LHPP: variants seen among roughly 807,000 people sequenced by gnomAD.
LHPP encodes the protein hLHPP.
Under a neutral mutation model 30.3 loss-of-function variants are expected in LHPP, and 24 were observed. The ratio of observed to expected loss-of-function variants is 0.79; its 90% confidence interval spans 0.57 to 1.11. The LOEUF is 1.11. LHPP is among the 50% of genes most tolerant of loss of function. The probability of loss-of-function intolerance (pLI) is 0.00; values close to 1 mark genes in which losing one functional copy is unlikely to be tolerated. For synonymous variants in LHPP, 150 were observed against 157.1 expected (o/e 0.95, Z 0.34); for missense variants, 356 against 367.2 (o/e 0.97, Z 0.25).
intron 5 of LHPP, among the ~76,000 whole-genome samples, chr10:124,502,040 A>C (rs7084985): frequency 0.041 from 6,250 of 152,030 alleles, 353 homozygotes; most frequent in East Asian, 0.11. Flanking sequence ...AACCACTTTA[A>C]AATTGTTTTC....
At position 124,586,579 on chromosome 10, in the gene LHPP, C is replaced by T. The variant is rs75834898; in HGVS notation, c.717-26685C>T. 2.0e-5 allele frequency among the ~76,000 whole-genome samples: 3 copies of T among 152,280 alleles called. No homozygotes were observed. In the East Asian group the frequency reaches 5.8e-4, roughly 29 times the overall value. On this transcript the variant is annotated intron_variant, in intron 6 of 6. Transcript: ENST00000368842. ...GCTTGGAATTTGTTTCATGAAGGGACAGCCAGCAGTGTCTGTGCAGGTCCA... is the reference window on the plus strand; with the variant it reads ...GCTTGGAATTTGTTTCATGAAGGGATAGCCAGCAGTGTCTGTGCAGGTCCA...
intron 6 of LHPP, among the ~76,000 whole-genome samples, chr10:124,532,615 G>T (rs750988602): frequency 6.6e-6 from 1 of 152,218 alleles, no homozygotes; most frequent in African/African-American, 2.4e-5. Flanking sequence ...GACACTCTGC[G>T]TTTGTTAAAC....
intron 6 of LHPP, among the ~76,000 whole-genome samples, chr10:124,521,302 G>T (rs1954607274): frequency 6.6e-6 from 1 of 152,346 alleles, no homozygotes; most frequent in Non-Finnish European, 1.5e-5. Flanking sequence ...AATACCCCCA[G>T]CCAGGCTCTA....
intron 2 of LHPP, among the ~76,000 whole-genome samples, chr10:124,485,524 G>A (rs890191745): frequency 2.0e-5 from 3 of 152,144 alleles, no homozygotes; most frequent in African/African-American, 7.2e-5. Flanking sequence ...TCAGTCATTG[G>A]TGGATTTTCT....
At chr10:124,606,283 G>GT (rs1554898591) in intron 6 of LHPP, among the ~76,000 whole-genome samples, 1 of 151,848 alleles carries the variant, frequency 6.6e-6, no homozygotes, top group African/African-American at 2.4e-5. Flanking sequence ...TTCTCGGGGG[G>GT]ACAGCAGCAA....
At chr10:124,577,423 G>A (rs1319355225) in intron 6 of LHPP, among the ~76,000 whole-genome samples, 2 of 152,146 alleles carry the variant, frequency 1.3e-5, no homozygotes, top group African/African-American at 4.8e-5. Flanking sequence ...TGGATCCAAA[G>A]AAAAAACTTA....
At position 124,545,462 on chromosome 10, in the gene LHPP, G is replaced by C. The variant is rs1281105172; in HGVS notation, c.716+28191G>C. Among the ~76,000 whole-genome samples the C allele has an allele frequency of 6.6e-5, 10 of 152,268 alleles. No individual in the cohort carries two copies. In the East Asian group the frequency reaches 1.9e-3, roughly 29 times the overall value. On this transcript the variant is annotated intron_variant, in intron 6 of 6. Transcript: ENST00000368842. ...GTGCCCACGGCAGCCCATGCACCCA[G>C]GCAGGAAGCTGCTTTGTGCAGGAGG...
intron 6 of LHPP, among the ~76,000 whole-genome samples, chr10:124,581,731 A>G (rs1028642662): frequency 6.6e-6 from 1 of 151,962 alleles, no homozygotes; most frequent in Non-Finnish European, 1.5e-5. Flanking sequence ...GTCTATTCAA[A>G]TTTTTTGCAC....
At chr10:124,549,566 T>A (rs1955428478) in intron 6 of LHPP, among the ~76,000 whole-genome samples, 1 of 152,278 alleles carries the variant, frequency 6.6e-6, no homozygotes, top group Non-Finnish European at 1.5e-5. Context: ...TTCACTTTAG[T>A]CTTGTTAGCA....
chr10:124,522,403 G>A (rs1189663228), intron 6 of LHPP, among the ~76,000 whole-genome samples: 1 of 152,136 alleles, frequency 6.6e-6, no homozygotes, highest in Non-Finnish European at 1.5e-5. Context: ...TCTCCTCCGT[G>A]GGGGGTCCTG....
intron 6 of LHPP, among the ~76,000 whole-genome samples, chr10:124,608,813 C>T (rs1399460240): frequency 6.6e-6 from 1 of 152,194 alleles, no homozygotes; most frequent in Non-Finnish European, 1.5e-5. Flanking sequence ...CTGAGTAAGC[C>T]GGAGAGCATC....
At position 124,592,832 on chromosome 10, in the gene LHPP, G is replaced by A. The variant is rs963635038; in HGVS notation, c.717-20432G>A. ...GAAAACAAGATTCCGTCTAGGAATC[G>A]TCCAGGGCGCGGCAGCCCGCCAGGA... On this transcript the variant is annotated intron_variant, in intron 6 of 6. Coordinates refer to ENST00000368842, the MANE Select transcript of LHPP (RefSeq NM_022126.4). This position sits in a 1 kb window ranked among gnomAD's most constrained non-coding sequence, Gnocchi z 6.2. Among the ~76,000 whole-genome samples the A allele has an allele frequency of 6.6e-5, 10 of 152,258 alleles. 1 individual carries two copies. Among genetic ancestry groups the A allele is most frequent in the Admixed American group, 3.3e-4 (5 of 15,290 alleles).
chr10:124,602,165 A>T (rs1315638659), intron 6 of LHPP, among the ~76,000 whole-genome samples: 1 of 152,176 alleles, frequency 6.6e-6, no homozygotes, highest in South Asian at 2.1e-4. Context: ...ACGTGAGCCC[A>T]GATTTCGATT....
chr10:124,473,693 C>G (rs1278778282), intron 1 of LHPP, among the ~76,000 whole-genome samples: 1 of 152,184 alleles, frequency 6.6e-6, no homozygotes, highest in Admixed American at 6.5e-5. Flanking sequence ...CGACTCATGC[C>G]TGTAATCCCA....
At chr10:124,477,555 T>C (rs1952989097) in intron 1 of LHPP, among the ~76,000 whole-genome samples, 2 of 152,094 alleles carry the variant, frequency 1.3e-5, no homozygotes, top group Admixed American at 1.3e-4. Context: ...CCTCTGGCTG[T>C]GAATTTCTCC....
Position 124,517,413 on chromosome 10 carries a change from G to T in LHPP, c.716+142G>T. The stretch of plus-strand genomic sequence containing the variant: ...GGGCATTCACTATCTTGTATGTAAT[G>T]GACCTCTAAGAACAGGGCTGAGTGG... On this transcript the variant is annotated intron_variant, in intron 6 of 6. Transcript: ENST00000368842. This position sits in a 1 kb window ranked among gnomAD's most constrained non-coding sequence, Gnocchi z 4.1. 1 of 547,502 alleles carries T rather than the reference G, an allele frequency of 1.8e-6. No individual in the cohort carries two copies. The highest frequency in any genetic ancestry group is 3.2e-6 in the Non-Finnish European group (1 of 317,114). The allele number at this position is 547,502 out of a possible 1,614,324, so 33.9% of individuals were successfully genotyped here.
chr10:124,556,300 C>G (rs117572772), intron 6 of LHPP, among the ~76,000 whole-genome samples: 456 of 152,304 alleles, frequency 3.0e-3, no homozygotes, highest in Non-Finnish European at 5.0e-3. Context: ...TGTTTTGGGA[C>G]ATCTCTTCCC....
chr10:124,476,128 CT>C (rs979143858), intron 1 of LHPP, among the ~76,000 whole-genome samples: 9 of 152,208 alleles, frequency 5.9e-5, no homozygotes, highest in Admixed American at 5.9e-4. Flanking sequence ...AGTGCCCTAG[CT>C]GGGGGCCGGC....
intron 6 of LHPP, among the ~76,000 whole-genome samples, chr10:124,521,841 G>A (rs1954619228): frequency 6.6e-6 from 1 of 152,118 alleles, no homozygotes; most frequent in South Asian, 2.1e-4. Flanking sequence ...CTAGTACGGA[G>A]CACGCACACG....
Sources: gnomAD v4.1 joint callset for allele counts (sites outside exome capture counted in the v4.1 genomes callset) on GRCh38, gnomAD v4.1.1 for gene constraint, Gnocchi (gnomAD v3.1) non-coding constraint, MANE v1.5 for transcripts, NCBI Gene and HGNC (gene_info 2026-07-23, HGNC 2026-07-21) for gene names.